The following TRAF3IP1 variants were observed in gnomAD, a reference collection of about 807,000 sequenced individuals.
The protein encoded by TRAF3IP1 is intraflagellar transport 54, also known as TRAF3-interacting protein 1.
TRAF3IP1 carries 53 observed loss-of-function variants against 89.9 expected under a neutral mutation model. That is an observed-to-expected ratio of 0.59 (90% CI 0.47 to 0.74). TRAF3IP1 has a LOEUF of 0.74. TRAF3IP1 is among the 30% of genes least tolerant of loss of function. The probability of loss-of-function intolerance (pLI) is 0.00; values close to 1 mark genes in which losing one functional copy is unlikely to be tolerated. For missense variants in TRAF3IP1, 806 were observed against 866.1 expected (o/e 0.93, Z 0.87); for synonymous variants, 311 against 322.1 (o/e 0.97, Z 0.37).
intron 15 of TRAF3IP1, among the ~76,000 whole-genome samples, chr2:238,393,860 A>G (rs909345592): frequency 1.3e-5 from 2 of 152,164 alleles, no homozygotes; most frequent in African/African-American, 2.4e-5. Context: ...CATTTGATCT[A>G]TGTCCCTCTG....
chr2:238,389,933 A>G (rs775695146), intron 15 of TRAF3IP1, among the ~76,000 whole-genome samples: 1 of 152,178 alleles, frequency 6.6e-6, no homozygotes, highest in Non-Finnish European at 1.5e-5. Flanking sequence ...GTGTGTGGTA[A>G]AATGCAAATA....
chr2:238,390,749 T>A (rs1422977346), intron 15 of TRAF3IP1, among the ~76,000 whole-genome samples: 1 of 152,078 alleles, frequency 6.6e-6, no homozygotes, highest in Non-Finnish European at 1.5e-5. Flanking sequence ...AGGATAAATA[T>A]TATTATTTCC....
At chr2:238,386,556 G>A (rs192072463) in intron 15 of TRAF3IP1, among the ~76,000 whole-genome samples, 267 of 152,164 alleles carry the variant, frequency 1.8e-3, no homozygotes, top group African/African-American at 6.2e-3. Flanking sequence ...CAGGTGATCT[G>A]CCCACCTGGG....
chr2:238,325,703 G>A (rs1697791060), intron 2 of TRAF3IP1, 106 bp from the exon 3 acceptor site: 11 of 1,143,604 alleles, frequency 9.6e-6, no homozygotes, highest in Non-Finnish European at 1.4e-5. Context: ...TCTAAAAACA[G>A]CTTTGTATGT....
chr2:238,328,587 T>A, intron 3 of TRAF3IP1, 99 bp from the exon 4 acceptor site: 1 of 1,374,680 alleles, frequency 7.3e-7, no homozygotes, highest in African/African-American at 1.5e-5. Flanking sequence ...AGACAGAGAA[T>A]CTGTCTCATG....
intron 15 of TRAF3IP1, among the ~76,000 whole-genome samples, chr2:238,389,370 C>T (rs1700904199): frequency 6.6e-6 from 1 of 152,142 alleles, no homozygotes; most frequent in Non-Finnish European, 1.5e-5. Flanking sequence ...AACCCTCCCC[C>T]TCCCAACCCT....
intron 8 of TRAF3IP1, among the ~76,000 whole-genome samples, chr2:238,341,664 G>A (rs529164663): frequency 1.3e-5 from 2 of 152,112 alleles, no homozygotes; most frequent in South Asian, 2.1e-4. Flanking sequence ...CGTCTGATTA[G>A]TTTCAATAAC....
At chr2:238,365,024 A>G (rs1699816631) in intron 15 of TRAF3IP1, among the ~76,000 whole-genome samples, 1 of 152,240 alleles carries the variant, frequency 6.6e-6, no homozygotes. Context: ...ATGCCTCTTG[A>G]TGGATACAAT....
At chr2:238,337,972 G>A (rs1028856608) in intron 7 of TRAF3IP1, among the ~76,000 whole-genome samples, 3 of 152,138 alleles carry the variant, frequency 2.0e-5, no homozygotes, top group Non-Finnish European at 2.9e-5. Context: ...TGATGTTTAC[G>A]GACATGGACC....
At chr2:238,331,647 A>G (rs548891185) in intron 5 of TRAF3IP1, among the ~76,000 whole-genome samples, 1 of 151,932 alleles carries the variant, frequency 6.6e-6, no homozygotes, top group East Asian at 1.9e-4. Context: ...TGGATCTCGC[A>G]TGGTGGTTGT....
chr2:238,324,345 G>A (rs1489178469), intron 1 of TRAF3IP1, among the ~76,000 whole-genome samples: 1 of 152,132 alleles, frequency 6.6e-6, no homozygotes, highest in Non-Finnish European at 1.5e-5. Context: ...TGGGATTACA[G>A]GTGTAAGCCA....
intron 15 of TRAF3IP1, among the ~76,000 whole-genome samples, chr2:238,384,370 A>ATGTG (rs1700671900): frequency 1.6e-5 from 2 of 128,238 alleles, no homozygotes; most frequent in African/African-American, 5.8e-5. Flanking sequence ...GTATGTATGT[A>ATGTG]TGTATGTATG....
chr2:238,326,942 G>A (rs767982647), intron 3 of TRAF3IP1, among the ~76,000 whole-genome samples: 2 of 152,042 alleles, frequency 1.3e-5, no homozygotes, highest in Admixed American at 1.3e-4. Flanking sequence ...TCCCCTTCCC[G>A]GGTCCTTTAT....
intron 2 of TRAF3IP1, among the ~76,000 whole-genome samples, chr2:238,325,583 T>C (rs1377850122): frequency 6.6e-6 from 1 of 152,188 alleles, no homozygotes; most frequent in Non-Finnish European, 1.5e-5. Flanking sequence ...CACTGAAAAA[T>C]GGGATTAGTA....
intron 8 of TRAF3IP1, among the ~76,000 whole-genome samples, chr2:238,341,115 G>C (rs975334545): frequency 1.3e-5 from 2 of 151,888 alleles, no homozygotes; most frequent in Non-Finnish European, 1.5e-5. Context: ...TGAACTCCTT[G>C]GCTCAAGTGA....
chr2:238,391,656 G>C (rs1450004096), intron 15 of TRAF3IP1, among the ~76,000 whole-genome samples: 1 of 152,140 alleles, frequency 6.6e-6, no homozygotes, highest in Non-Finnish European at 1.5e-5. Flanking sequence ...TTTAAGATTA[G>C]TGTTCCAAAT....
chr2:238,341,154 A>G (rs1698632886), intron 8 of TRAF3IP1, among the ~76,000 whole-genome samples: 1 of 151,166 alleles, frequency 6.6e-6, no homozygotes. Context: ...TTGACTAGCT[A>G]GGACTACAGG....
chr2:238,333,905 A>G (rs1432222206), intron 6 of TRAF3IP1, 55 bp from the exon 7 acceptor site: 2 of 1,400,824 alleles, frequency 1.4e-6, no homozygotes, highest in Admixed American at 2.0e-5. Context: ...AAACCTGCTT[A>G]TGATACTGCT....
In TRAF3IP1 at chr2:238,328,779, G is replaced by C. The variant is rs749941998; in HGVS notation, c.448G>C (p.Asp150His). Reference sequence around the variant, plus strand: ...ACTGACCTCAAGATCTCAGGAATTGGATAATAAGAATGTGCGAGAAGAAGA... The same window carrying C: ...ACTGACCTCAAGATCTCAGGAATTGCATAATAAGAATGTGCGAGAAGAAGA... ...ASLTSRSQELDNKNVREEESR... is the reference protein window; with the variant it reads ...ASLTSRSQELHNKNVREEESR... Residue 150 changes from aspartate (D) to histidine (H), a missense_variant, in exon 4 of 17, where the codon GAT becomes CAT. Physicochemically the swap from Asp to His is moderately conservative, Grantham distance 81. Around this residue, in one of 3 missense-constraint regions of TRAF3IP1, gnomAD observed 732 missense variants for 780.5 expected, o/e 0.94. Coordinates refer to ENST00000373327, the MANE Select transcript of TRAF3IP1 (RefSeq NM_015650.4). The C allele has an allele frequency of 2.5e-6, 4 of 1,614,046 alleles. No homozygotes were observed. Among genetic ancestry groups the C allele is most frequent in the Non-Finnish European group, 3.4e-6 (4 of 1,180,024 alleles).
Sources: allele counts gnomAD v4.1 joint callset (sites outside exome capture counted in the v4.1 genomes callset), GRCh38; gene constraint gnomAD v4.1.1; regional missense constraint gnomAD v4.1.1; transcripts MANE v1.5; gene names NCBI Gene and HGNC (gene_info 2026-07-23, HGNC 2026-07-21).